The following KHDRBS2 variants were observed in gnomAD, a reference collection of about 807,000 sequenced individuals.
KHDRBS2 encodes the protein KH domain-containing, RNA-binding, signal transduction-associated protein 2.
KHDRBS2 carries 26 observed loss-of-function variants against 44.3 expected under a neutral mutation model. The observed-to-expected ratio is 0.59, with a 90% CI of 0.43 to 0.81. The LOEUF (loss-of-function observed/expected upper bound fraction) is 0.81. Ranked by LOEUF, KHDRBS2 falls within the 40% of genes least tolerant of loss-of-function variation. The pLI, the probability that KHDRBS2 is intolerant of heterozygous loss-of-function variation, is 0.00. For synonymous variants in KHDRBS2, 194 were observed against 151.1 expected (o/e 1.28, Z -2.08); for missense variants, 476 against 433.1 (o/e 1.10, Z -0.88).
chr6:61,573,101 GATAA>G, the KHDRBS2 span, among the ~76,000 whole-genome samples: 4 of 152,102 alleles, frequency 2.6e-5, no homozygotes, highest in African/African-American at 7.2e-5. Context: ...TCCTAGATCT[GATAA>G]ATAAATTCAG....
intron 3 of KHDRBS2, among the ~76,000 whole-genome samples, chr6:61,983,200 T>TTTTC (rs70993191): frequency 0.076 from 3,478 of 45,860 alleles, 160 homozygotes; most frequent in Middle Eastern, 0.095. Flanking sequence ...GTTTTTTTCA[T>TTTTC]TTTCTTTCTT....
intron 2 of KHDRBS2, among the ~76,000 whole-genome samples, chr6:62,075,176 G>A (rs1221848712): frequency 6.6e-6 from 1 of 151,846 alleles, no homozygotes; most frequent in Non-Finnish European, 1.5e-5. Flanking sequence ...AACCTCCAAG[G>A]TGATGGTATT....
chr6:61,983,415 G>A (rs1774391611), intron 3 of KHDRBS2, among the ~76,000 whole-genome samples: 1 of 151,444 alleles, frequency 6.6e-6, no homozygotes, highest in Non-Finnish European at 1.5e-5. Context: ...GCTTACAAAG[G>A]CCTCTTGGGA....
the KHDRBS2 span, among the ~76,000 whole-genome samples, chr6:61,627,356 T>C: frequency 7.0e-6 from 1 of 141,878 alleles, no homozygotes; most frequent in African/African-American, 2.7e-5. Flanking sequence ...GTGATAGGAG[T>C]GTTTGTTATT....
the KHDRBS2 span, among the ~76,000 whole-genome samples, chr6:61,596,047 A>T: frequency 6.6e-6 from 1 of 152,036 alleles, no homozygotes; most frequent in Admixed American, 6.6e-5. Flanking sequence ...TGGAGCTCAG[A>T]ACAGAAGACA....
intron 2 of KHDRBS2, among the ~76,000 whole-genome samples, chr6:62,175,940 C>A (rs1384648794): frequency 2.6e-5 from 4 of 151,320 alleles, no homozygotes; most frequent in African/African-American, 9.7e-5. Context: ...TTAAGTCTGT[C>A]ATTGACTTTC....
At chr6:61,678,066 T>C (rs1413882736), downstream of KHDRBS2, among the ~76,000 whole-genome samples, 2 of 151,700 alleles carry the variant, frequency 1.3e-5, no homozygotes, top group Admixed American at 6.6e-5. Context: ...ACTTGGGGTT[T>C]AAAACCCTGC....
intron 2 of KHDRBS2, among the ~76,000 whole-genome samples, chr6:62,175,610 A>T (rs1300519584): frequency 2.6e-5 from 4 of 151,656 alleles, no homozygotes; most frequent in Non-Finnish European, 5.9e-5. Flanking sequence ...CAGCCTAAGC[A>T]TTCCATGATT....
At chr6:61,593,476 T>G in the KHDRBS2 span, among the ~76,000 whole-genome samples, 1 of 9,952 alleles carries the variant, frequency 1.0e-4, no homozygotes, top group Non-Finnish European at 2.3e-4. Context: ...TACTATAGGT[T>G]TTTTTTTTTT....
the KHDRBS2 span, among the ~76,000 whole-genome samples, chr6:61,636,090 T>C: frequency 2.6e-5 from 4 of 152,114 alleles, no homozygotes; most frequent in Admixed American, 6.6e-5. Flanking sequence ...TTTCAAATTA[T>C]GTTTTTAATG....
At chr6:61,621,167 G>A in the KHDRBS2 span, among the ~76,000 whole-genome samples, 9 of 152,290 alleles carry the variant, frequency 5.9e-5, no homozygotes, top group South Asian at 1.2e-3. Flanking sequence ...CAGAAAATCC[G>A]TGGCAGAAGA....
chr6:62,204,913 C>A (rs984601315), intron 1 of KHDRBS2, among the ~76,000 whole-genome samples: 1 of 152,018 alleles, frequency 6.6e-6, no homozygotes, highest in Non-Finnish European at 1.5e-5. Flanking sequence ...AGTTCAAGCC[C>A]ATGTTATTCA....
At chr6:61,768,505 T>C (rs1780340446) in intron 6 of KHDRBS2, among the ~76,000 whole-genome samples, 1 of 152,186 alleles carries the variant, frequency 6.6e-6, no homozygotes, top group Non-Finnish European at 1.5e-5. Context: ...TGCATTTTTG[T>C]GGCTATTTTC....
chr6:62,058,719 T>A (rs1410780021), intron 2 of KHDRBS2, among the ~76,000 whole-genome samples: 2 of 151,832 alleles, frequency 1.3e-5, no homozygotes, highest in African/African-American at 4.8e-5. Context: ...TGCAAAAATA[T>A]CAAGCTATGC....
chr6:61,790,457 A>C (rs1439143097), intron 6 of KHDRBS2, among the ~76,000 whole-genome samples: 2 of 151,194 alleles, frequency 1.3e-5, no homozygotes, highest in Non-Finnish European at 3.0e-5. Context: ...TGAACCAATA[A>C]GAATAATTCT....
intron 1 of KHDRBS2, among the ~76,000 whole-genome samples, chr6:62,214,003 T>G (rs1247650889): frequency 1.3e-5 from 2 of 151,908 alleles, no homozygotes; most frequent in South Asian, 2.1e-4. Context: ...TTTAGCCATT[T>G]AAGTATAAAA....
intron 2 of KHDRBS2, among the ~76,000 whole-genome samples, chr6:62,131,356 A>T (rs1810275479): frequency 6.6e-6 from 1 of 152,178 alleles, no homozygotes; most frequent in African/African-American, 2.4e-5. Context: ...AACAAATTCC[A>T]CTGAACTTGC....
intron 4 of KHDRBS2, among the ~76,000 whole-genome samples, chr6:61,921,036 G>A (rs1379368295): frequency 1.3e-5 from 2 of 151,870 alleles, no homozygotes; most frequent in African/African-American, 4.8e-5. Flanking sequence ...AAAAGGTAAA[G>A]AAAAGTTTGA....
chr6:61,741,507 G>A (rs1199182077), intron 6 of KHDRBS2, among the ~76,000 whole-genome samples: 3 of 151,920 alleles, frequency 2.0e-5, no homozygotes, highest in African/African-American at 7.2e-5. Context: ...GGGGGTACAT[G>A]TTGACTTTTG....
Sources: gnomAD v4.1 joint callset for allele counts (sites outside exome capture counted in the v4.1 genomes callset) on GRCh38, gnomAD v4.1.1 for gene constraint, MANE v1.5 for transcripts, NCBI Gene and HGNC (gene_info 2026-07-23, HGNC 2026-07-21) for gene names.